MARCHF6: variants seen among roughly 807,000 people sequenced by gnomAD.
The protein encoded by MARCHF6 is E3 ubiquitin-protein ligase MARCHF6.
MARCHF6 carries 31 observed loss-of-function variants against 133.7 expected under a neutral mutation model. That is an observed-to-expected ratio of 0.23 (90% confidence interval 0.17 to 0.31). The LOEUF is 0.31. Ranked by LOEUF, MARCHF6 falls within the 10% of genes least tolerant of loss-of-function variation. The pLI is 1.00. For missense variants in MARCHF6, 723 were observed against 1,121.6 expected, an observed-to-expected ratio of 0.64 and a Z score of 5.08; for synonymous variants, 395 against 402.5, an observed-to-expected ratio of 0.98 and a Z score of 0.22.
intron 1 of MARCHF6, among the ~76,000 whole-genome samples, chr5:10,359,771 G>A (rs1416967936): frequency 1.3e-5 from 2 of 152,162 alleles, no homozygotes; most frequent in Non-Finnish European, 2.9e-5. Context: ...TTCGGAGGCG[G>A]TGGCAGGCAG....
rs961042121 is a variant in MARCHF6 at position 10,439,734 on chromosome 5, C to T, written c.*6050C>T. The stretch of plus-strand genomic sequence containing the variant: ...AGTCAGATCACACCAACCCTCAGAA[C>T]TCTCCAATAGACGACCATGGCACTC... On this transcript the variant is annotated 3_prime_UTR_variant, in exon 26 of 26. Coordinates refer to ENST00000274140, the MANE Select transcript of MARCHF6 (RefSeq NM_005885.4). 70 of 152,332 alleles carry T rather than the reference C, an allele frequency of 4.6e-4. No homozygotes were observed. Among genetic ancestry groups the T allele is most frequent in the African/African-American group, 1.6e-3 (68 of 41,474 alleles). The allele number at this position is 152,332 out of a possible 1,614,324, so 9.4% of individuals were successfully genotyped here. A position where few individuals can be genotyped will look rare whatever the true frequency, so the allele number is the denominator to read the frequency against.
intron 1 of MARCHF6, 70 bp downstream of exon 1, chr5:10,353,987 G>A: frequency 3.4e-6 from 5 of 1,464,456 alleles, no homozygotes; most frequent in Admixed American, 4.5e-5. Context: ...CCAGGTCCGC[G>A]GCGCTCGAGG....
At chr5:10,375,469 G>C (rs1389404544) in intron 1 of MARCHF6, among the ~76,000 whole-genome samples, 1 of 152,266 alleles carries the variant, frequency 6.6e-6, no homozygotes, top group Non-Finnish European at 1.5e-5. Context: ...TGCGGCCCGA[G>C]CCTCCCCGAC....
chr5:10,407,280 T>G, intron 17 of MARCHF6, 78 bp downstream of exon 17: 1 of 649,178 alleles, frequency 1.5e-6, no homozygotes, highest in Admixed American at 2.8e-5. Context: ...ATTAAACATT[T>G]AAAACATTTC....
chr5:10,408,519 T>C (rs1482160116), intron 17 of MARCHF6, among the ~76,000 whole-genome samples: 1 of 152,198 alleles, frequency 6.6e-6, no homozygotes, highest in Non-Finnish European at 1.5e-5. Context: ...CTTTTTAAAA[T>C]CCAGATTAAG....
At chr5:10,415,253 G>A (rs968488798) in intron 20 of MARCHF6, among the ~76,000 whole-genome samples, 2 of 152,164 alleles carry the variant, frequency 1.3e-5, no homozygotes, top group Non-Finnish European at 1.5e-5. Context: ...ACAAATCAGA[G>A]TGTATGTCCC....
chr5:10,387,203 A>G (rs1561118005), intron 5 of MARCHF6, 137 bp downstream of exon 5: 2 of 536,414 alleles, frequency 3.7e-6, no homozygotes, highest in Non-Finnish European at 6.5e-6. Context: ...ACTAACAGTT[A>G]TAGCTGCAGT....
chr5:10,418,531 A>C (rs556830923), intron 22 of MARCHF6, among the ~76,000 whole-genome samples: 1 of 152,206 alleles, frequency 6.6e-6, no homozygotes, highest in Admixed American at 6.5e-5. Flanking sequence ...TCAAGTTCTT[A>C]GTAGGTATTG....
intron 5 of MARCHF6, among the ~76,000 whole-genome samples, chr5:10,389,156 C>T (rs550767829): frequency 6.6e-6 from 1 of 152,222 alleles, no homozygotes; most frequent in South Asian, 2.1e-4. Context: ...TTTCCAATGG[C>T]TAAGAGTCCA....
At chr5:10,379,709 C>T (rs1024076382) in intron 3 of MARCHF6, among the ~76,000 whole-genome samples, 1 of 152,122 alleles carries the variant, frequency 6.6e-6, no homozygotes, top group African/African-American at 2.4e-5. Context: ...GATCTGCCTG[C>T]CTCAGCCTCC....
At chr5:10,409,272 C>T (rs1368775097) in intron 17 of MARCHF6, among the ~76,000 whole-genome samples, 6 of 152,006 alleles carry the variant, frequency 3.9e-5, no homozygotes, top group Non-Finnish European at 8.8e-5. Context: ...AGAAAAAATG[C>T]CAGTAAGGGT....
intron 24 of MARCHF6, among the ~76,000 whole-genome samples, chr5:10,427,107 C>G (rs984657493): frequency 6.6e-6 from 1 of 152,214 alleles, no homozygotes; most frequent in African/African-American, 2.4e-5. Flanking sequence ...AGTCAGAAAC[C>G]TTGAAGGCTA....
At chr5:10,408,467 A>G (rs77620565) in intron 17 of MARCHF6, among the ~76,000 whole-genome samples, 7,828 of 152,282 alleles carry the variant, frequency 0.051, 680 homozygotes, top group African/African-American at 0.18. Context: ...TCTGTTTACA[A>G]TGACTTGCTT....
intron 15 of MARCHF6, 121 bp from the exon 16 acceptor site, chr5:10,405,437 C>T: frequency 2.6e-6 from 2 of 755,782 alleles, no homozygotes; most frequent in Non-Finnish European, 3.9e-6. Context: ...TGTACATTTT[C>T]TGGGGCCCAC....
intron 7 of MARCHF6, among the ~76,000 whole-genome samples, chr5:10,392,669 A>G (rs1737933123): frequency 6.6e-6 from 1 of 151,876 alleles, no homozygotes; most frequent in Non-Finnish European, 1.5e-5. Flanking sequence ...TAGGAGAATC[A>G]CTTGAACCCA....
chr5:10,381,753 A>G, intron 3 of MARCHF6, 47 bp from the exon 4 acceptor site: 5 of 1,437,442 alleles, frequency 3.5e-6, no homozygotes, highest in Non-Finnish European at 4.7e-6. Flanking sequence ...GAATTAAGCT[A>G]TTTTCGAATC....
chr5:10,356,644 C>T (rs1459007037), intron 1 of MARCHF6, among the ~76,000 whole-genome samples: 1 of 152,050 alleles, frequency 6.6e-6, no homozygotes, highest in Non-Finnish European at 1.5e-5. Context: ...GATCTGTCCG[C>T]CTCAACCTCC....
At chr5:10,399,183 G>C (rs1738367080) in intron 10 of MARCHF6, among the ~76,000 whole-genome samples, 1 of 152,136 alleles carries the variant, frequency 6.6e-6, no homozygotes, top group Non-Finnish European at 1.5e-5. Context: ...CAGGGGCCTA[G>C]TTGAGTCATC....
intron 20 of MARCHF6, 57 bp from the exon 21 acceptor site, chr5:10,415,431 G>A (rs1159799904): frequency 7.0e-7 from 1 of 1,435,820 alleles, no homozygotes. Context: ...ACAACATGAA[G>A]ATGACAATTC....
Sources: allele counts gnomAD v4.1 joint callset (sites outside exome capture counted in the v4.1 genomes callset), GRCh38; gene constraint gnomAD v4.1.1; transcripts MANE v1.5; gene names NCBI Gene and HGNC (gene_info 2026-07-23, HGNC 2026-07-21).